Variants in ADGRL2 observed in about 807,000 individuals in gnomAD.
ADGRL2 encodes adhesion G protein-coupled receptor L2, also known as calcium-independent alpha-latrotoxin receptor 2.
ADGRL2 carries 44 observed loss-of-function variants against 157.4 expected under a neutral mutation model. The observed-to-expected ratio is 0.28, with a 90% CI of 0.22 to 0.36. The LOEUF (loss-of-function observed/expected upper bound fraction) is 0.36, where lower values mean the gene tolerates loss of function less well. ADGRL2 is among the 10% of genes least tolerant of loss of function. ADGRL2 has a pLI of 1.00. For missense variants in ADGRL2, 1,510 were observed against 1,768.9 expected (o/e 0.85, Z 2.63); for synonymous variants, 585 against 624.7 (o/e 0.94, Z 0.95).
chr1:81,586,675 G>A (rs114986894), intron 3 of ADGRL2, among the ~76,000 whole-genome samples: 3,458 of 152,170 alleles, frequency 0.023, 133 homozygotes, highest in African/African-American at 0.079. Context: ...TGTAAGTCTA[G>A]ATGAGGCAGA....
chr1:81,356,952 C>CAA lies in ADGRL2; in HGVS notation c.-302+50463_-302+50464dup, dbSNP rs757239865. Among the ~76,000 whole-genome samples the CAA allele has an allele frequency of 7.3e-3, 405 of 55,676 alleles. 12 individuals are homozygous for CAA. The highest frequency in any genetic ancestry group is 0.029 in the African/African-American group (388 of 13,594). The allele number at this position is 55,676 out of a possible 152,430, so 36.5% of individuals were successfully genotyped here. A position where few individuals can be genotyped will look rare whatever the true frequency, so the allele number is the denominator to read the frequency against. On this transcript the variant is annotated intron_variant, in intron 1 of 24. Transcript: ENST00000370721. ...TGGGGGACAAAATGAGACTCCGTCT[C>CAA]AAAAAAAAAAAAAAAAAAAAAGAAG...
At chr1:81,903,728 TACATTATATATACACATTATATATATAC>T (rs1557878930) in intron 2 of ADGRL2, among the ~76,000 whole-genome samples, 2 of 146,336 alleles carry the variant, frequency 1.4e-5, no homozygotes, top group African/African-American at 5.0e-5. Context: ...TATATATATA[TACATTATATATACACATTATATATATAC>T]ACATTATATA....
At chr1:81,441,028 CT>C (rs146468732) in intron 1 of ADGRL2, among the ~76,000 whole-genome samples, 1,672 of 152,256 alleles carry the variant, frequency 0.011, 14 homozygotes, top group African/African-American at 0.026. Flanking sequence ...GTTTCTCTCT[CT>C]CCCTCTCTCA....
chr1:81,544,703 T>C (rs866384267), intron 2 of ADGRL2, among the ~76,000 whole-genome samples: 9 of 152,164 alleles, frequency 5.9e-5, no homozygotes, highest in Non-Finnish European at 1.2e-4. Context: ...CTGCCAGTAA[T>C]CCTACAGGGG....
rs553279070 is a variant in ADGRL2, at chr1:81,804,640, T to C, written c.-101+3572T>C. On this transcript the variant is annotated intron_variant, in intron 1 of 23. Coordinates refer to ENST00000686636, the MANE Select transcript of ADGRL2 (RefSeq NM_001366006.2). ...GCCCTTGCAAATGGCAAGACAATTATTTTCTATTGATAAATGGTTTGTTCC... is the reference window on the plus strand; with the variant it reads ...GCCCTTGCAAATGGCAAGACAATTACTTTCTATTGATAAATGGTTTGTTCC... 9.2e-5 allele frequency among the ~76,000 whole-genome samples: 14 copies of C among 152,376 alleles called. No homozygotes were observed. The South Asian group carries it at 1.2e-3, about 14-fold the overall frequency.
intron 3 of ADGRL2, among the ~76,000 whole-genome samples, chr1:81,627,380 T>G (rs2081931925): frequency 6.6e-6 from 1 of 152,162 alleles, no homozygotes; most frequent in South Asian, 2.1e-4. Flanking sequence ...GGGACAGGCC[T>G]TTAATTGAGC....
At chr1:81,612,745 T>C (rs1462071382) in intron 3 of ADGRL2, among the ~76,000 whole-genome samples, 1 of 152,054 alleles carries the variant, frequency 6.6e-6, no homozygotes, top group African/African-American at 2.4e-5. Flanking sequence ...GATAGCTCAA[T>C]TAAGAAATAG....
intron 1 of ADGRL2, among the ~76,000 whole-genome samples, chr1:81,321,161 A>G (rs1660473240): frequency 6.6e-6 from 1 of 152,130 alleles, no homozygotes; most frequent in Admixed American, 6.5e-5. Context: ...ATAGTTTCAA[A>G]CTTTTCTTCT....
chr1:81,530,141 G>A (rs556605762), intron 2 of ADGRL2, among the ~76,000 whole-genome samples: 1 of 152,210 alleles, frequency 6.6e-6, no homozygotes, highest in South Asian at 2.1e-4. Context: ...AGTAGTGACA[G>A]GCCTAGCACC....
intron 2 of ADGRL2, among the ~76,000 whole-genome samples, chr1:81,775,783 T>C (rs1011645560): frequency 2.0e-5 from 3 of 152,170 alleles, no homozygotes; most frequent in African/African-American, 2.4e-5. Flanking sequence ...TTACTGTCCA[T>C]GCATACCTTG....
intron 2 of ADGRL2, among the ~76,000 whole-genome samples, chr1:81,861,240 C>T (rs1000878118): frequency 2.0e-5 from 3 of 151,964 alleles, no homozygotes; most frequent in Admixed American, 6.6e-5. Context: ...AGGCTGGTTT[C>T]GAACTCCTGA....
intron 3 of ADGRL2, among the ~76,000 whole-genome samples, chr1:81,931,686 T>C (rs1174249756): frequency 2.0e-5 from 3 of 152,172 alleles, no homozygotes; most frequent in Non-Finnish European, 4.4e-5. Context: ...GTTTTTGTTT[T>C]TGAGACAGGG....
At chr1:81,604,785 T>C (rs1185949399) in intron 3 of ADGRL2, among the ~76,000 whole-genome samples, 1 of 152,150 alleles carries the variant, frequency 6.6e-6, no homozygotes, top group Non-Finnish European at 1.5e-5. Context: ...ACCTGAGCCA[T>C]GTGTGTTTGG....
chr1:81,640,157 G>GT (rs1435302679), intron 3 of ADGRL2, among the ~76,000 whole-genome samples: 1 of 152,020 alleles, frequency 6.6e-6, no homozygotes, highest in African/African-American at 2.4e-5. Context: ...ACGTCAAATG[G>GT]TATCTCTCCA....
chr1:81,749,797 A>G (rs1208894671), intron 1 of ADGRL2, among the ~76,000 whole-genome samples: 1 of 152,192 alleles, frequency 6.6e-6, no homozygotes, highest in Non-Finnish European at 1.5e-5. Context: ...AAGGTAATAT[A>G]TAAGTATGGG....
chr1:81,457,815 T>C (rs1254648430), intron 2 of ADGRL2, among the ~76,000 whole-genome samples: 1 of 152,158 alleles, frequency 6.6e-6, no homozygotes, highest in African/African-American at 2.4e-5. Context: ...CTCACATCAT[T>C]TCATAATAGG....
chr1:81,650,543 T>C (rs2082396634), intron 3 of ADGRL2, among the ~76,000 whole-genome samples: 1 of 144,270 alleles, frequency 6.9e-6, no homozygotes. Flanking sequence ...GCCACTGCAC[T>C]CTAGCCTGGC....
chr1:81,742,361 T>C (rs1327113349), intron 1 of ADGRL2, among the ~76,000 whole-genome samples: 1 of 151,984 alleles, frequency 6.6e-6, no homozygotes, highest in Non-Finnish European at 1.5e-5. Flanking sequence ...ATTGCTAAAC[T>C]CTTGTACTGT....
intron 2 of ADGRL2, among the ~76,000 whole-genome samples, chr1:81,561,513 T>G (rs1387026455): frequency 1.2e-4 from 18 of 150,500 alleles, no homozygotes; most frequent in African/African-American, 3.9e-4. Flanking sequence ...CAGGCTGGAG[T>G]GCAGTGGTGC....
Sources: allele counts gnomAD v4.1 joint callset (sites outside exome capture counted in the v4.1 genomes callset), GRCh38; gene constraint gnomAD v4.1.1; transcripts MANE v1.5; gene names NCBI Gene and HGNC (gene_info 2026-07-23, HGNC 2026-07-21).